Variants in NRXN1 observed in about 807,000 individuals in gnomAD.
The protein encoded by NRXN1 is neurexin-1.
A neutral mutation model predicts 150.9 loss-of-function variants in NRXN1; 39 were observed. That is an observed-to-expected ratio of 0.26 (90% CI 0.20 to 0.34). The LOEUF (loss-of-function observed/expected upper bound fraction) is 0.34, where lower values mean the gene tolerates loss of function less well. Ranked by LOEUF, NRXN1 falls within the 10% of genes least tolerant of loss-of-function variation. NRXN1 has a pLI of 1.00. For synonymous variants in NRXN1, 924 were observed against 757.0 expected, an observed-to-expected ratio of 1.22 and a Z score of -3.62; for missense variants, 1,815 against 1,949.9, an observed-to-expected ratio of 0.93 and a Z score of 1.30.
chr2:50,195,335 T>C (rs962922824), intron 18 of NRXN1, among the ~76,000 whole-genome samples: 1 of 152,182 alleles, frequency 6.6e-6, no homozygotes, highest in Admixed American at 6.6e-5. Flanking sequence ...ATCCAGCTGC[T>C]TCTTGTCTCC....
At chr2:50,097,152 C>A (rs1397031756) in intron 18 of NRXN1, among the ~76,000 whole-genome samples, 1 of 152,146 alleles carries the variant, frequency 6.6e-6, no homozygotes, top group African/African-American at 2.4e-5. Context: ...TGCTCAGGAA[C>A]AGAGACCAGT....
chr2:50,072,530 T>TAA (rs11397509), intron 19 of NRXN1, among the ~76,000 whole-genome samples: 3,550 of 138,544 alleles, frequency 0.026, 131 homozygotes, highest in African/African-American at 0.083. Context: ...CTAAGAAATT[T>TAA]AAAAAAAAAA....
chr2:50,507,388 A>T (rs938943155), intron 12 of NRXN1, among the ~76,000 whole-genome samples: 9 of 152,020 alleles, frequency 5.9e-5, no homozygotes, highest in African/African-American at 2.2e-4. Flanking sequence ...AAAAAAAAAT[A>T]GGCACAGCCA....
intron 12 of NRXN1, among the ~76,000 whole-genome samples, chr2:50,508,575 T>C (rs2092334516): frequency 1.3e-5 from 2 of 152,148 alleles, no homozygotes; most frequent in South Asian, 4.1e-4. Context: ...ACTTTTTTTT[T>C]TTGTTAGAAA....
At chr2:50,376,700 C>T (rs573481330) in intron 17 of NRXN1, among the ~76,000 whole-genome samples, 14 of 152,120 alleles carry the variant, frequency 9.2e-5, no homozygotes, top group African/African-American at 3.1e-4. Flanking sequence ...TTCTCTGTGG[C>T]GGATGACTGA....
rs139467020 is a variant in NRXN1 at position 50,435,134 on chromosome 2, C to T, written c.3364+30308G>A. ...CATTTTAGAGACAGAAAAAAGTACA[C>T]GGTTGCTAAGTTTAGCAGAGAGAGT... On this transcript the variant is annotated intron_variant, in intron 17 of 22. Transcript: ENST00000401669. 5.9e-3 allele frequency among the ~76,000 whole-genome samples: 892 copies of T among 152,046 alleles called. 5 individuals carry two copies. Among genetic ancestry groups the T allele is most frequent in the Non-Finnish European group, 9.6e-3 (653 of 67,976 alleles).
intron 17 of NRXN1, among the ~76,000 whole-genome samples, chr2:50,278,583 T>C (rs2070980115): frequency 6.6e-6 from 1 of 151,860 alleles, no homozygotes; most frequent in South Asian, 2.1e-4. Flanking sequence ...TCTAAAGGGC[T>C]TTATATTTAC....
chr2:50,346,966 A>G lies in NRXN1; in HGVS notation c.3365-109996T>C. ...CTGGTACATGGCGGGGCGCCCGCCG[A>G]GGGGCAGCCGCCGCGGGAGGCAAAG... On this transcript the variant is annotated intron_variant, in intron 17 of 22. Coordinates refer to ENST00000401669, the MANE Select transcript of NRXN1 (RefSeq NM_001330078.2). The surrounding 1 kb of genome is among the most constrained non-coding windows in gnomAD (Gnocchi z 5.0). 1 of 1,364,398 alleles carries G rather than the reference A, an allele frequency of 7.3e-7. No homozygotes were observed. Among genetic ancestry groups the G allele is most frequent in the African/African-American group, 1.6e-5 (1 of 64,148 alleles). 84.5% of individuals were successfully genotyped at this position (1,364,398 alleles called of 1,614,324 possible). A position where few individuals can be genotyped will look rare whatever the true frequency, so the allele number is the denominator to read the frequency against.
intron 5 of NRXN1, among the ~76,000 whole-genome samples, chr2:50,780,118 G>A (rs1331679640): frequency 3.3e-5 from 5 of 152,252 alleles, no homozygotes; most frequent in Admixed American, 2.0e-4. Context: ...CTAATGACCA[G>A]CGATGATTAG....
chr2:50,371,894 T>C (rs554051740), intron 17 of NRXN1, among the ~76,000 whole-genome samples: 1 of 152,200 alleles, frequency 6.6e-6, no homozygotes, highest in East Asian at 1.9e-4. Context: ...CTCTACCTTG[T>C]ATCTTAAGAT....
At chr2:50,095,412 T>C (rs1170721871) in intron 18 of NRXN1, among the ~76,000 whole-genome samples, 2 of 152,206 alleles carry the variant, frequency 1.3e-5, no homozygotes, top group Non-Finnish European at 2.9e-5. Context: ...TCGTCTATTA[T>C]AGACCTGGTT....
At chr2:49,990,581 T>G (rs1681757666) in intron 21 of NRXN1, among the ~76,000 whole-genome samples, 1 of 152,144 alleles carries the variant, frequency 6.6e-6, no homozygotes, top group Non-Finnish European at 1.5e-5. Context: ...CCACAGGTAT[T>G]GGTGGTGGAG....
intron 5 of NRXN1, among the ~76,000 whole-genome samples, chr2:50,633,967 G>A (rs1222376792): frequency 6.6e-6 from 1 of 152,142 alleles, no homozygotes; most frequent in Non-Finnish European, 1.5e-5. Context: ...AGATCTTAAT[G>A]CTGAGGAACC....
intron 17 of NRXN1, among the ~76,000 whole-genome samples, chr2:50,382,904 G>A (rs546999933): frequency 2.6e-5 from 4 of 152,092 alleles, no homozygotes; most frequent in African/African-American, 4.8e-5. Context: ...TTCTTGAGCC[G>A]CCTCAGGTTC....
intron 18 of NRXN1, among the ~76,000 whole-genome samples, chr2:50,125,968 G>A (rs566303957): frequency 2.6e-5 from 4 of 152,142 alleles, no homozygotes; most frequent in Non-Finnish European, 4.4e-5. Context: ...TAACTTATAC[G>A]TGACCTGTTT....
At chr2:50,550,380 T>C (rs1667266090) in intron 9 of NRXN1, among the ~76,000 whole-genome samples, 2 of 152,134 alleles carry the variant, frequency 1.3e-5, no homozygotes, top group Non-Finnish European at 2.9e-5. Context: ...TGGCATGTTT[T>C]GTTTTAAAGT....
At chr2:50,873,225 C>T (rs1314558919) in intron 5 of NRXN1, among the ~76,000 whole-genome samples, 4 of 151,688 alleles carry the variant, frequency 2.6e-5, no homozygotes, top group African/African-American at 9.7e-5. Flanking sequence ...ATTTATAAAG[C>T]CGTAAGAATG....
intron 18 of NRXN1, among the ~76,000 whole-genome samples, chr2:50,199,519 C>T (rs1158562410): frequency 7.2e-6 from 1 of 139,062 alleles, no homozygotes; most frequent in Admixed American, 7.8e-5. Context: ...CTCTCTCTTA[C>T]TCATTCTCTC....
At chr2:50,208,716 G>A (rs1284888326) in intron 18 of NRXN1, among the ~76,000 whole-genome samples, 1 of 151,884 alleles carries the variant, frequency 6.6e-6, no homozygotes, top group Non-Finnish European at 1.5e-5. Context: ...AACATTCAGG[G>A]ACAACAAGCA....
Sources: allele counts gnomAD v4.1 joint callset (sites outside exome capture counted in the v4.1 genomes callset), GRCh38; gene constraint gnomAD v4.1.1; non-coding constraint Gnocchi (gnomAD v3.1); transcripts MANE v1.5; gene names NCBI Gene and HGNC (gene_info 2026-07-23, HGNC 2026-07-21).